PDZRN3: variants seen among roughly 807,000 people sequenced by gnomAD.
PDZRN3 encodes PDZ domain containing ring finger 3.
In PDZRN3, 38 loss-of-function variants were observed where a neutral mutation model predicts 85.7. The ratio of observed to expected loss-of-function variants is 0.44; its 90% CI spans 0.34 to 0.58. The LOEUF is 0.58. Among genes scored for constraint, PDZRN3 ranks in the 20% least tolerant of loss-of-function variants. PDZRN3 has a pLI of 0.01. For missense variants in PDZRN3, 1,629 were observed against 1,506.4 expected (o/e 1.08, Z -1.35); for synonymous variants, 759 against 638.0 (o/e 1.19, Z -2.86).
At chr3:73,511,279 C>T (rs1704159005) in intron 3 of PDZRN3, among the ~76,000 whole-genome samples, 1 of 152,096 alleles carries the variant, frequency 6.6e-6, no homozygotes. Context: ...AGAAGGCTCC[C>T]GCCAACCCAA....
Position 73,624,897 on chromosome 3 carries a change from C to T in PDZRN3, c.-72G>A. 2 of 1,195,492 alleles carry T rather than the reference C, an allele frequency of 1.7e-6. No individual in the cohort carries two copies. The highest frequency in any genetic ancestry group is 2.1e-6 in the Non-Finnish European group (2 of 949,768). The allele number at this position is 1,195,492 out of a possible 1,614,324, so 74.1% of individuals were successfully genotyped here. A position where few individuals can be genotyped will look rare whatever the true frequency, so the allele number is the denominator to read the frequency against. ...CTCCCTCCCCACGAGGCGGCCCAGA[C>T]AGGCCGGCTACGCCGCCCGCGCGCT... On this transcript the variant is annotated 5_prime_UTR_variant, in exon 1 of 10. Transcript: ENST00000263666.
At chr3:73,485,703 T>G (rs1703649397) in intron 3 of PDZRN3, among the ~76,000 whole-genome samples, 1 of 152,192 alleles carries the variant, frequency 6.6e-6, no homozygotes, top group East Asian at 1.9e-4. Context: ...AAAATCATTT[T>G]TCTAATCCAA....
At chr3:73,393,150 G>T (rs935996322) in intron 5 of PDZRN3, among the ~76,000 whole-genome samples, 2 of 152,134 alleles carry the variant, frequency 1.3e-5, no homozygotes, top group African/African-American at 4.8e-5. Context: ...CCCTGCAGGA[G>T]ACACATCTTG....
intron 3 of PDZRN3, among the ~76,000 whole-genome samples, chr3:73,479,631 C>A (rs1045869040): frequency 6.6e-6 from 1 of 152,072 alleles, no homozygotes; most frequent in African/African-American, 2.4e-5. Context: ...CTGAACAGGC[C>A]CAAGCCTTTC....
At chr3:73,468,034 G>A (rs1180352455) in intron 3 of PDZRN3, among the ~76,000 whole-genome samples, 1 of 152,016 alleles carries the variant, frequency 6.6e-6, no homozygotes, top group Non-Finnish European at 1.5e-5. Context: ...ACACAACAAT[G>A]CAAATATATT....
At chr3:73,578,091 C>A (rs1023066407) in intron 3 of PDZRN3, among the ~76,000 whole-genome samples, 4 of 152,030 alleles carry the variant, frequency 2.6e-5, no homozygotes, top group Non-Finnish European at 4.4e-5. Context: ...ACTAAACTCT[C>A]TGATGGATCC....
At chr3:73,559,951 TACAC>T (rs1701781354) in intron 3 of PDZRN3, among the ~76,000 whole-genome samples, 2 of 152,338 alleles carry the variant, frequency 1.3e-5, no homozygotes, top group African/African-American at 4.8e-5. Context: ...ACAAATCACA[TACAC>T]TATTTTCTGT....
chr3:73,538,187 C>G (rs780961659), intron 3 of PDZRN3, among the ~76,000 whole-genome samples: 58 of 152,226 alleles, frequency 3.8e-4, no homozygotes, highest in Admixed American at 5.9e-4. Flanking sequence ...TAATTTTACA[C>G]TTCAGACTTC....
Position 73,537,872 on chromosome 3 carries a change from C to T in PDZRN3, c.918+64482G>A, listed in dbSNP as rs563994015. On this transcript the variant is annotated intron_variant, in intron 3 of 9. Coordinates refer to ENST00000263666, the MANE Select transcript of PDZRN3 (RefSeq NM_015009.3). Reference sequence around the variant, plus strand: ...ACCTCCTGATCTCAAATGATCCGCCCGCCTCGGCTTTCTGAAGTGCTGGGA... The same window carrying T: ...ACCTCCTGATCTCAAATGATCCGCCTGCCTCGGCTTTCTGAAGTGCTGGGA... 4.7e-4 allele frequency among the ~76,000 whole-genome samples: 72 copies of T among 152,008 alleles called. 1 individual carries two copies. The highest frequency in any genetic ancestry group is 1.7e-3 in the African/African-American group (69 of 41,432).
intron 3 of PDZRN3, among the ~76,000 whole-genome samples, chr3:73,448,113 C>T (rs898271159): frequency 5.3e-5 from 8 of 152,186 alleles, no homozygotes; most frequent in African/African-American, 1.4e-4. Flanking sequence ...TCTCTTTCAT[C>T]ACCCGTAAAT....
intron 3 of PDZRN3, among the ~76,000 whole-genome samples, chr3:73,471,309 A>G (rs565331712): frequency 1.0e-3 from 159 of 152,194 alleles, no homozygotes; most frequent in Non-Finnish European, 1.9e-3. Context: ...GTCCCCCCCC[A>G]GGTTTCACAA....
intron 3 of PDZRN3, among the ~76,000 whole-genome samples, chr3:73,521,960 G>A (rs1704377704): frequency 6.6e-6 from 1 of 152,170 alleles, no homozygotes; most frequent in South Asian, 2.1e-4. Flanking sequence ...CAGCCTGTGA[G>A]CCAAATCTGG....
At chr3:73,417,165 T>C (rs542788103) in intron 3 of PDZRN3, among the ~76,000 whole-genome samples, 1 of 152,258 alleles carries the variant, frequency 6.6e-6, no homozygotes, top group African/African-American at 2.4e-5. Flanking sequence ...ACCTGGATGA[T>C]TTTTAGTTTT....
At chr3:73,527,330 T>A (rs938604492) in intron 3 of PDZRN3, among the ~76,000 whole-genome samples, 28 of 152,184 alleles carry the variant, frequency 1.8e-4, no homozygotes, top group Admixed American at 2.6e-4. Flanking sequence ...TAAATGGTTT[T>A]TAAGGCCACA....
At chr3:73,482,256 G>A (rs1365508824) in intron 3 of PDZRN3, among the ~76,000 whole-genome samples, 2 of 152,138 alleles carry the variant, frequency 1.3e-5, no homozygotes, top group African/African-American at 4.8e-5. Flanking sequence ...ACAATTATAT[G>A]CATACCACCA....
At chr3:73,388,090 GTGGGGAGA>G (rs764085094) in intron 7 of PDZRN3, 21 bp from the exon 8 acceptor site, 14 of 958,946 alleles carry the variant, frequency 1.5e-5, no homozygotes, top group African/African-American at 3.3e-5. Context: ...AAAAGGGGGG[GTGGGGAGA>G]GTGGGGAGAC....
At chr3:73,574,356 A>C (rs1243011340) in intron 3 of PDZRN3, among the ~76,000 whole-genome samples, 1 of 151,230 alleles carries the variant, frequency 6.6e-6, no homozygotes, top group Non-Finnish European at 1.5e-5. Flanking sequence ...GAGCTGGTAT[A>C]GCTGAGAAAT....
At position 73,443,186 on chromosome 3, in the gene PDZRN3, C is replaced by T. The variant is rs1452172638; in HGVS notation, c.919-38791G>A. 3.9e-5 allele frequency among the ~76,000 whole-genome samples: 6 copies of T among 152,242 alleles called. No individual in the cohort carries two copies. In the East Asian group the frequency reaches 9.6e-4, roughly 24 times the overall value. ...TTGATTGCCTACTATGAGCCAGACA[C>T]TGTTGTTTAGTGGTAAACAAAACAC... is the stretch of plus-strand genomic sequence containing the variant. On this transcript the variant is annotated intron_variant, in intron 3 of 9. Coordinates refer to ENST00000263666, the MANE Select transcript of PDZRN3 (RefSeq NM_015009.3).
At chr3:73,497,638 G>A (rs4677292) in intron 3 of PDZRN3, among the ~76,000 whole-genome samples, 64,328 of 152,052 alleles carry the variant, frequency 0.42, 15,298 homozygotes, top group East Asian at 0.66. Context: ...GAAACTCTAC[G>A]TACCCATCAC....
Sources: allele counts gnomAD v4.1 joint callset (sites outside exome capture counted in the v4.1 genomes callset), GRCh38; gene constraint gnomAD v4.1.1; transcripts MANE v1.5; gene names NCBI Gene and HGNC (gene_info 2026-07-23, HGNC 2026-07-21).